The following BAHCC1 variants were observed in gnomAD, a reference collection of about 807,000 sequenced individuals.
BAHCC1 encodes the protein BAH and coiled-coil domain-containing protein 1.
A neutral mutation model predicts 88.2 loss-of-function variants in BAHCC1; 43 were observed. The observed-to-expected ratio is 0.49, with a 90% CI of 0.38 to 0.63. The LOEUF (loss-of-function observed/expected upper bound fraction) is 0.63. Among genes scored for constraint, BAHCC1 ranks in the 20% least tolerant of loss-of-function variants. The probability of loss-of-function intolerance (pLI) is 0.00; values close to 1 mark genes in which losing one functional copy is unlikely to be tolerated. For missense variants in BAHCC1, 3,023 were observed against 1,654.8 expected (o/e 1.83, Z -14.34); for synonymous variants, 1,510 against 745.5 (o/e 2.03, Z -16.71).
chr17:81,450,217 G>A (rs912688673), intron 11 of BAHCC1, among the ~76,000 whole-genome samples: 10 of 152,056 alleles, frequency 6.6e-5, no homozygotes, highest in Non-Finnish European at 2.9e-5. Context: ...CTGCCTTCCT[G>A]GCCATCACCA....
chr17:81,404,333 C>T (rs2063854039), intron 2 of BAHCC1, among the ~76,000 whole-genome samples: 1 of 152,232 alleles, frequency 6.6e-6, no homozygotes, highest in South Asian at 2.1e-4. Context: ...GAACTTGGTT[C>T]AAGCTAATAA....
intron 3 of BAHCC1, among the ~76,000 whole-genome samples, chr17:81,428,960 G>A (rs1312642657): frequency 2.6e-5 from 4 of 152,186 alleles, no homozygotes; most frequent in African/African-American, 7.2e-5. Context: ...TTCTATCTGC[G>A]TCCCAGGGAA....
chr17:81,462,649 C>A, intron 26 of BAHCC1, 91 bp from the exon 27 acceptor site: 1 of 674,320 alleles, frequency 1.5e-6, no homozygotes, highest in Non-Finnish European at 2.7e-6. Flanking sequence ...CTCACACTCA[C>A]ACCCACACCA....
At chr17:81,446,014 A>G (rs2064520225) in intron 10 of BAHCC1, among the ~76,000 whole-genome samples, 1 of 151,518 alleles carries the variant, frequency 6.6e-6, no homozygotes, top group Non-Finnish European at 1.5e-5. Context: ...GGCACTGGGC[A>G]TGGGACTTGA....
In BAHCC1 at chr17:81,458,716, C is replaced by T. The variant is rs371971239; in HGVS notation, c.5439C>T (p.Ala1813=). The change falls in exon 19 of 28, where the codon GCC becomes GCT. Residue 1813 remains alanine (A), a synonymous_variant. Coordinates refer to ENST00000675386, the MANE Select transcript of BAHCC1 (RefSeq NM_001377448.1). The part of the protein sequence containing the change: ...GRKLSKVKHK[A]GKQGKGRAVS... ...AGCTGAGCAAGGTGAAGCACAAGGC[C>T]GGCAAGCAGGTAGCAGCCCCCCACT... The T allele has an allele frequency of 2.6e-4, 193 of 732,038 alleles. No individual in the cohort carries two copies. Among genetic ancestry groups the T allele is most frequent in the Non-Finnish European group, 3.5e-4 (139 of 393,694 alleles). 45.3% of individuals were successfully genotyped at this position (732,038 alleles called of 1,614,324 possible). A position where few individuals can be genotyped will look rare whatever the true frequency, so the allele number is the denominator to read the frequency against.
chr17:81,447,106 T>C lies in BAHCC1; in HGVS notation c.3234T>C (p.Ser1078=), dbSNP rs782682221. 21 of 779,334 alleles carry C rather than the reference T, an allele frequency of 2.7e-5. No homozygotes were observed. The highest frequency in any genetic ancestry group is 2.7e-4 in the South Asian group (20 of 74,618). The allele number at this position is 779,334 out of a possible 1,614,324, so 48.3% of individuals were successfully genotyped here. A position where few individuals can be genotyped will look rare whatever the true frequency, so the allele number is the denominator to read the frequency against. The change falls in exon 11 of 28, where the codon TCT becomes TCC. Residue 1078 remains serine (S), a synonymous_variant. Coordinates refer to ENST00000675386, the MANE Select transcript of BAHCC1 (RefSeq NM_001377448.1). ...GFSLPSDVHS[S]NLEDPETMQT... Reference sequence around the variant, plus strand: ...CCCTACCCTCAGACGTGCACTCTTCTAACCTCGAGGACCCTGAAACTATGC... The same window carrying C: ...CCCTACCCTCAGACGTGCACTCTTCCAACCTCGAGGACCCTGAAACTATGC...
chr17:81,401,112 A>C (rs1404864091), intron 2 of BAHCC1: 2 of 152,294 alleles, frequency 1.3e-5, no homozygotes, highest in Non-Finnish European at 2.9e-5. Context: ...TAGTGTGTGG[A>C]TTAAAACGGA....
intron 3 of BAHCC1, among the ~76,000 whole-genome samples, chr17:81,438,049 C>T (rs1035666340): frequency 6.6e-6 from 1 of 152,230 alleles, no homozygotes; most frequent in Admixed American, 6.5e-5. Context: ...CAAAACCTCC[C>T]CAGAGTCCCT....
chr17:81,423,668 A>G (rs567103683), intron 2 of BAHCC1, among the ~76,000 whole-genome samples: 30 of 152,330 alleles, frequency 2.0e-4, no homozygotes, highest in Admixed American at 1.6e-3. Flanking sequence ...GCTCAGTGAC[A>G]GCCTCAGACC....
chr17:81,423,587 T>C (rs1330915049), intron 2 of BAHCC1, among the ~76,000 whole-genome samples: 5 of 151,946 alleles, frequency 3.3e-5, no homozygotes, highest in African/African-American at 1.2e-4. Context: ...CCTGGAATGG[T>C]CCCAGGCCAG....
Position 81,424,962 on chromosome 17 carries a change from ATGATGTGGTTGGTG to A in BAHCC1, c.179-1823_179-1810del, listed in dbSNP as rs1159875723. On this transcript the variant is annotated intron_variant, in intron 2 of 27. Coordinates refer to ENST00000675386, the MANE Select transcript of BAHCC1 (RefSeq NM_001377448.1). ...GATAGTGGTGGGTGATGTGGTTGGCATGATGTGGTTGGTGTGATGTGGTTGGTGGTGATAGTGAT... is the reference window on the plus strand; with the variant it reads ...GATAGTGGTGGGTGATGTGGTTGGCATGATGTGGTTGGTGGTGATAGTGAT... Among the ~76,000 whole-genome samples the A allele has an allele frequency of 9.7e-5, 8 of 82,630 alleles. No homozygotes were observed. In the South Asian group the frequency reaches 1.9e-3, roughly 19 times the overall value. The allele number at this position is 82,630 out of a possible 152,430, so 54.2% of individuals were successfully genotyped here. A position where few individuals can be genotyped will look rare whatever the true frequency, so the allele number is the denominator to read the frequency against.
rs1371501103 is a variant in BAHCC1, at chr17:81,435,571, G to A, written c.359-2799G>A. ...AGGGGTCTGGGAAGGGGAGGTTCTG[G>A]AGCCCCGACGTTCTAGCAGGAGCTT... On this transcript the variant is annotated intron_variant, in intron 3 of 27. Transcript: ENST00000675386. This position sits in a 1 kb window ranked among gnomAD's most constrained non-coding sequence, Gnocchi z 4.4. The A allele has an allele frequency of 2.2e-6, 1 of 454,850 alleles. No individual in the cohort carries two copies. Among genetic ancestry groups the A allele is most frequent in the Non-Finnish European group, 4.6e-6 (1 of 218,306 alleles). 28.2% of individuals were successfully genotyped at this position (454,850 alleles called of 1,614,324 possible).
At chr17:81,428,747 C>G (rs1193862689) in intron 3 of BAHCC1, among the ~76,000 whole-genome samples, 2 of 152,364 alleles carry the variant, frequency 1.3e-5, no homozygotes, top group African/African-American at 4.8e-5. Flanking sequence ...CACTCACTTC[C>G]CCTTGTGCCA....
chr17:81,410,178 C>G (rs565336576), intron 2 of BAHCC1: 1 of 217,144 alleles, frequency 4.6e-6, no homozygotes, highest in African/African-American at 2.4e-5. Context: ...GTCCTAGGAG[C>G]CTGCACGAGC....
At chr17:81,453,084 C>G (rs1290332380) in intron 14 of BAHCC1, among the ~76,000 whole-genome samples, 1 of 152,178 alleles carries the variant, frequency 6.6e-6, no homozygotes, top group African/African-American at 2.4e-5. Flanking sequence ...TGGCCCGGGT[C>G]CCCCTCTGGA....
chr17:81,455,950 C>G (rs1396859207), intron 15 of BAHCC1, among the ~76,000 whole-genome samples: 6 of 152,176 alleles, frequency 3.9e-5, no homozygotes, highest in Non-Finnish European at 7.4e-5. Context: ...ACCTGTCTGC[C>G]CAGGGGGCTG....
intron 3 of BAHCC1, among the ~76,000 whole-genome samples, chr17:81,429,474 G>A (rs2064236154): frequency 6.6e-6 from 1 of 152,376 alleles, no homozygotes; most frequent in East Asian, 1.9e-4. Flanking sequence ...AGAGGCCAGG[G>A]CCGGCGGGCC....
chr17:81,454,152 A>T (rs1189404398), intron 14 of BAHCC1, among the ~76,000 whole-genome samples: 2 of 151,600 alleles, frequency 1.3e-5, no homozygotes, highest in African/African-American at 2.4e-5. Context: ...AGGCAGAGAG[A>T]CTCCCCAAGC....
chr17:81,431,367 G>A (rs1368206107), intron 3 of BAHCC1, among the ~76,000 whole-genome samples: 2 of 152,122 alleles, frequency 1.3e-5, no homozygotes, highest in Non-Finnish European at 2.9e-5. Context: ...TCATGTTCAC[G>A]GCCTGGCTGA....
Sources: allele counts gnomAD v4.1 joint callset (sites outside exome capture counted in the v4.1 genomes callset), GRCh38; gene constraint gnomAD v4.1.1; non-coding constraint Gnocchi (gnomAD v3.1); transcripts MANE v1.5; gene names NCBI Gene and HGNC (gene_info 2026-07-23, HGNC 2026-07-21).